Variants in ARB2A observed in about 807,000 individuals in gnomAD.
ARB2A encodes cotranscriptional regulator ARB2A.
the ARB2A span, among the ~76,000 whole-genome samples, chr5:93,813,293 T>C: frequency 2.0e-5 from 3 of 152,208 alleles, no homozygotes; most frequent in Non-Finnish European, 4.4e-5. Context: ...TTGTGTGTTC[T>C]AGTGTTTTCT....
chr5:93,937,504 C>T, the ARB2A span, among the ~76,000 whole-genome samples: 2 of 151,326 alleles, frequency 1.3e-5, no homozygotes, highest in South Asian at 2.1e-4. Context: ...CCCAGCTATT[C>T]GGGAGGCTGA....
At chr5:93,919,831 G>T in the ARB2A span, among the ~76,000 whole-genome samples, 1 of 152,124 alleles carries the variant, frequency 6.6e-6, no homozygotes, top group Non-Finnish European at 1.5e-5. Context: ...ATTTTAGAAA[G>T]TTGAATAAAA....
chr5:93,765,122 G>C, the ARB2A span, among the ~76,000 whole-genome samples: 1 of 152,102 alleles, frequency 6.6e-6, no homozygotes, highest in Non-Finnish European at 1.5e-5. Flanking sequence ...GCATTCCCTT[G>C]CAAAACTGGC....
chr5:93,636,470 C>G, the ARB2A span, among the ~76,000 whole-genome samples: 1 of 152,238 alleles, frequency 6.6e-6, no homozygotes. Context: ...AAAGGTCACC[C>G]CAGAGATCTC....
the ARB2A span, chr5:93,683,686 G>C: frequency 6.2e-7 from 1 of 1,610,104 alleles, no homozygotes; most frequent in African/African-American, 1.3e-5. Context: ...GGGCCTCAGG[G>C]GGCTCATGTC....
At chr5:93,760,602 CTT>C in the ARB2A span, among the ~76,000 whole-genome samples, 1 of 152,130 alleles carries the variant, frequency 6.6e-6, no homozygotes, top group South Asian at 2.1e-4. Flanking sequence ...AATTCAAATA[CTT>C]ACAGCCAACT....
At chr5:93,975,520 G>A in the ARB2A span, among the ~76,000 whole-genome samples, 3 of 152,040 alleles carry the variant, frequency 2.0e-5, no homozygotes, top group South Asian at 4.2e-4. Flanking sequence ...TTGGTTCTTT[G>A]AAAGATAAAT....
At chr5:94,069,050 A>ATAGATAGGTAGG in the ARB2A span, among the ~76,000 whole-genome samples, 14 of 150,032 alleles carry the variant, frequency 9.3e-5, no homozygotes, top group African/African-American at 3.4e-4. Context: ...AGATAGATAG[A>ATAGATAGGTAGG]TAGATAGATA....
At chr5:93,845,746 T>C in the ARB2A span, among the ~76,000 whole-genome samples, 14 of 152,116 alleles carry the variant, frequency 9.2e-5, no homozygotes, top group African/African-American at 3.1e-4. Context: ...GGAACGTGAG[T>C]GTCTGTGTCT....
the ARB2A span, among the ~76,000 whole-genome samples, chr5:93,973,984 T>A: frequency 6.6e-6 from 1 of 152,142 alleles, no homozygotes; most frequent in Non-Finnish European, 1.5e-5. Context: ...ATAAAGCAAC[T>A]ACACAGTTGA....
chr5:93,640,462 T>G, the ARB2A span, among the ~76,000 whole-genome samples: 1 of 150,796 alleles, frequency 6.6e-6, no homozygotes, highest in Non-Finnish European at 1.5e-5. Context: ...AAAAAAAAAG[T>G]TTACAATCTT....
chr5:93,971,660 C>T, the ARB2A span, among the ~76,000 whole-genome samples: 5 of 151,824 alleles, frequency 3.3e-5, no homozygotes, highest in African/African-American at 4.8e-5. Context: ...CTTAGTTTCA[C>T]TTTGCTTATT....
At chr5:93,758,309 A>G in the ARB2A span, among the ~76,000 whole-genome samples, 3 of 152,342 alleles carry the variant, frequency 2.0e-5, no homozygotes, top group South Asian at 2.1e-4. Flanking sequence ...GGGAACTTCA[A>G]TACTCCACTG....
the ARB2A span, among the ~76,000 whole-genome samples, chr5:93,930,924 C>T: frequency 3.3e-5 from 5 of 152,136 alleles, no homozygotes; most frequent in Non-Finnish European, 5.9e-5. Context: ...CACCTATCAA[C>T]CTGTCATCTA....
the ARB2A span, among the ~76,000 whole-genome samples, chr5:93,841,967 C>G: frequency 6.6e-6 from 1 of 152,164 alleles, no homozygotes; most frequent in South Asian, 2.1e-4. Flanking sequence ...AAGAGGGACA[C>G]TGAACCTAGC....
chr5:94,017,270 T>C, the ARB2A span, among the ~76,000 whole-genome samples: 1 of 152,218 alleles, frequency 6.6e-6, no homozygotes, highest in Admixed American at 6.5e-5. Context: ...GGATACAGTA[T>C]GCTTAGATAG....
At chr5:93,751,300 C>T in the ARB2A span, among the ~76,000 whole-genome samples, 1 of 152,062 alleles carries the variant, frequency 6.6e-6, no homozygotes, top group African/African-American at 2.4e-5. Flanking sequence ...AAGATGTTTT[C>T]ATTTATTGGT....
At chr5:93,666,578 G>C in the ARB2A span, among the ~76,000 whole-genome samples, 1 of 151,026 alleles carries the variant, frequency 6.6e-6, no homozygotes, top group African/African-American at 2.4e-5. Flanking sequence ...GAGAAAAGGA[G>C]ATTTATTATT....
At chr5:94,013,915 T>G in the ARB2A span, among the ~76,000 whole-genome samples, 1 of 152,144 alleles carries the variant, frequency 6.6e-6, no homozygotes, top group Non-Finnish European at 1.5e-5. Flanking sequence ...CCCCACATAC[T>G]GCCCTGCACC....
Sources: allele counts gnomAD v4.1 joint callset (sites outside exome capture counted in the v4.1 genomes callset), GRCh38; gene constraint gnomAD v4.1.1; transcripts MANE v1.5; gene names NCBI Gene and HGNC (gene_info 2026-07-23, HGNC 2026-07-21).